SPATS2L: variants seen among roughly 807,000 people sequenced by gnomAD.
SPATS2L encodes spermatogenesis associated serine rich 2 like, also known as SPATS2-like protein.
In SPATS2L, 30 loss-of-function variants were observed where a neutral mutation model predicts 59.6. The ratio of observed to expected loss-of-function variants is 0.50; its 90% confidence interval spans 0.38 to 0.68. SPATS2L has a LOEUF of 0.68. SPATS2L is among the 30% of genes least tolerant of loss of function. SPATS2L has a pLI of 0.00. For synonymous variants in SPATS2L, 252 were observed against 263.5 expected (o/e 0.96, Z 0.42); for missense variants, 615 against 700.0 (o/e 0.88, Z 1.37).
At chr2:200,394,410 C>T (rs1260986604) in intron 3 of SPATS2L, among the ~76,000 whole-genome samples, 1 of 152,194 alleles carries the variant, frequency 6.6e-6, no homozygotes, top group Non-Finnish European at 1.5e-5. Context: ...CCTTGTACTT[C>T]TGTGGGCTTC....
At chr2:200,333,900 CATT>C (rs35858375) in intron 2 of SPATS2L, among the ~76,000 whole-genome samples, 54,039 of 150,884 alleles carry the variant, frequency 0.36, 10,768 homozygotes, top group East Asian at 0.71. Context: ...TCCAGTCTAT[CATT>C]GTTGGACATT....
chr2:200,358,410 TA>T (rs1004989534), intron 2 of SPATS2L, among the ~76,000 whole-genome samples: 4 of 152,360 alleles, frequency 2.6e-5, no homozygotes, highest in African/African-American at 9.6e-5. Context: ...TTCATTTGGC[TA>T]AATTATCTTA....
chr2:200,442,838 A>G (rs761628105), intron 8 of SPATS2L, among the ~76,000 whole-genome samples: 23 of 152,184 alleles, frequency 1.5e-4, no homozygotes, highest in Non-Finnish European at 2.9e-4. Flanking sequence ...AGGAAATAGT[A>G]TATTTTTTCT....
intron 2 of SPATS2L, among the ~76,000 whole-genome samples, chr2:200,385,887 G>T (rs937454371): frequency 3.3e-5 from 5 of 152,076 alleles, no homozygotes; most frequent in African/African-American, 1.2e-4. Flanking sequence ...TGGAGACAGG[G>T]TTTCACTGTG....
intron 6 of SPATS2L, among the ~76,000 whole-genome samples, chr2:200,438,628 A>T (rs17630736): frequency 0.034 from 5,210 of 152,196 alleles, 193 homozygotes; most frequent in East Asian, 0.16. Context: ...TTGTCACTTC[A>T]TTTTTGCTCT....
At chr2:200,332,858 T>C (rs1002094558) in intron 2 of SPATS2L, among the ~76,000 whole-genome samples, 3 of 151,890 alleles carry the variant, frequency 2.0e-5, no homozygotes, top group Non-Finnish European at 2.9e-5. Context: ...GTGTAAAATA[T>C]TCTCTATCAG....
In SPATS2L at chr2:200,480,671, G is replaced by C. The variant is rs1361331141; in HGVS notation, c.*2640G>C. On this transcript the variant is annotated 3_prime_UTR_variant, in exon 13 of 13. Coordinates refer to ENST00000409140, the MANE Select transcript of SPATS2L (RefSeq NM_001100423.2). Reference sequence around the variant, plus strand: ...CAGGCATGAGCCACCTCGCCTGGCTGGTTTTTGCCTTTCTTATAGACCCTG... The same window carrying C: ...CAGGCATGAGCCACCTCGCCTGGCTCGTTTTTGCCTTTCTTATAGACCCTG... 1 of 152,224 alleles carries C rather than the reference G, an allele frequency of 6.6e-6. No homozygotes were observed. The highest frequency in any genetic ancestry group is 1.5e-5 in the Non-Finnish European group (1 of 68,034). The allele number at this position is 152,224 out of a possible 1,614,324, so 9.4% of individuals were successfully genotyped here.
intron 2 of SPATS2L, among the ~76,000 whole-genome samples, chr2:200,368,918 A>G (rs1316351716): frequency 6.6e-6 from 1 of 152,196 alleles, no homozygotes; most frequent in Admixed American, 6.5e-5. Flanking sequence ...GTATATGTAT[A>G]AAATGAAAGA....
At chr2:200,405,335 T>C (rs2082656223) in intron 3 of SPATS2L, among the ~76,000 whole-genome samples, 1 of 152,138 alleles carries the variant, frequency 6.6e-6, no homozygotes, top group Admixed American at 6.5e-5. Context: ...CTGCATTTTT[T>C]TCCATCTTCA....
chr2:200,392,401 C>T (rs2082199082), intron 3 of SPATS2L, among the ~76,000 whole-genome samples: 1 of 152,146 alleles, frequency 6.6e-6, no homozygotes, highest in South Asian at 2.1e-4. Context: ...AGCTTTGAAC[C>T]CCTTTCCACA....
At position 200,373,549 on chromosome 2, in the gene SPATS2L, CAA is replaced by C. The variant is rs371150117; in HGVS notation, c.-22-15673_-22-15672del. 6.8e-4 allele frequency among the ~76,000 whole-genome samples: 103 copies of C among 152,242 alleles called. 1 individual carries two copies. The highest frequency in any genetic ancestry group is 2.3e-3 in the African/African-American group (94 of 41,554). On this transcript the variant is annotated intron_variant, in intron 2 of 12. Coordinates refer to ENST00000409140, the MANE Select transcript of SPATS2L (RefSeq NM_001100423.2). ...TAAGAGAAGCATTTAGTAAAACAAA[CAA>C]GAGTGTCTTTTCAGTGTCTGGTTAT...
chr2:200,448,455 A>C (rs2085213847), intron 8 of SPATS2L, among the ~76,000 whole-genome samples: 1 of 152,144 alleles, frequency 6.6e-6, no homozygotes, highest in Non-Finnish European at 1.5e-5. Context: ...AACAAAAACA[A>C]AACAACAACA....
Position 200,462,622 on chromosome 2 carries a change from C to G in SPATS2L, c.847+2795C>G, listed in dbSNP as rs193048375. 3.9e-5 allele frequency among the ~76,000 whole-genome samples: 6 copies of G among 152,258 alleles called. No individual in the cohort carries two copies. The East Asian group carries it at 1.2e-3, about 29-fold the overall frequency. On this transcript the variant is annotated intron_variant, in intron 9 of 12. Transcript: ENST00000409140. ...AACCATGTTGTTGACTTCTCAAAGTCTAATATTCCTTAGGCCCTGGCAATG... is the reference window on the plus strand; with the variant it reads ...AACCATGTTGTTGACTTCTCAAAGTGTAATATTCCTTAGGCCCTGGCAATG...
chr2:200,379,681 G>T (rs940674591), intron 2 of SPATS2L, among the ~76,000 whole-genome samples: 1 of 152,116 alleles, frequency 6.6e-6, no homozygotes, highest in African/African-American at 2.4e-5. Flanking sequence ...GGATTTGCCA[G>T]CGGGTGGTGG....
chr2:200,323,454 A>AT (rs1169780189), intron 1 of SPATS2L, among the ~76,000 whole-genome samples: 2 of 152,238 alleles, frequency 1.3e-5, no homozygotes, highest in African/African-American at 4.8e-5. Context: ...CATTTAAAAT[A>AT]TTTTCAAATG....
rs1042964536 is a variant in SPATS2L, at chr2:200,368,548, ATAGAAG to A, written c.-22-20668_-22-20663del. ...AACCAAGAAAAGATTGGTTGGTAAA[ATAGAAG>A]TAGAAGGAATCTTTATCAATTTATT... On this transcript the variant is annotated intron_variant, in intron 2 of 12. Transcript: ENST00000409140. Among the ~76,000 whole-genome samples, 9 of 152,332 alleles carry A rather than the reference ATAGAAG, an allele frequency of 5.9e-5. No homozygotes were observed. The East Asian group carries it at 1.5e-3, about 26-fold the overall frequency.
At position 200,478,685 on chromosome 2, in the gene SPATS2L, T is replaced by A. The variant is rs959246075; in HGVS notation, c.*654T>A. On this transcript the variant is annotated 3_prime_UTR_variant, in exon 13 of 13. Transcript: ENST00000409140. ...ACAAGTACTCTTTCAGGAAAATATA[T>A]ATATGCCCTTTCAATTAGATTACAC... is the stretch of plus-strand genomic sequence containing the variant. 11 of 152,558 alleles carry A rather than the reference T, an allele frequency of 7.2e-5. No individual in the cohort carries two copies. The highest frequency in any genetic ancestry group is 1.3e-4 in the Non-Finnish European group (9 of 68,044). 9.5% of individuals were successfully genotyped at this position (152,558 alleles called of 1,614,324 possible).
intron 3 of SPATS2L, among the ~76,000 whole-genome samples, chr2:200,411,709 T>C (rs1344139492): frequency 1.3e-5 from 2 of 151,818 alleles, no homozygotes; most frequent in Non-Finnish European, 2.9e-5. Context: ...AGTGGATATA[T>C]GTATTTACTA....
At chr2:200,447,908 A>G (rs565937607) in intron 8 of SPATS2L, among the ~76,000 whole-genome samples, 1 of 152,336 alleles carries the variant, frequency 6.6e-6, no homozygotes, top group South Asian at 2.1e-4. Flanking sequence ...TTAATTCCTT[A>G]GATTAAACAA....
Sources: allele counts gnomAD v4.1 joint callset (sites outside exome capture counted in the v4.1 genomes callset), GRCh38; gene constraint gnomAD v4.1.1; transcripts MANE v1.5; gene names NCBI Gene and HGNC (gene_info 2026-07-23, HGNC 2026-07-21).